The following NFIL3 variants were observed in gnomAD, a reference collection of about 807,000 sequenced individuals.
The protein encoded by NFIL3 is nuclear factor, interleukin 3 regulated.
NFIL3 carries 5 observed loss-of-function variants against 10.0 expected under a neutral mutation model. That is an observed-to-expected ratio of 0.50 (90% CI 0.26 to 1.06). The LOEUF (loss-of-function observed/expected upper bound fraction) is 1.06, where lower values mean the gene tolerates loss of function less well. Ranked by LOEUF, NFIL3 falls within the 50% of genes least tolerant of loss-of-function variation. The probability of loss-of-function intolerance (pLI) is 0.13; values close to 1 mark genes in which losing one functional copy is unlikely to be tolerated. For missense variants in NFIL3, 436 were observed against 547.6 expected (o/e 0.80, Z 2.03); for synonymous variants, 202 against 206.5 (o/e 0.98, Z 0.19).
Position 91,409,356 on chromosome 9 carries a change from T to C in NFIL3, c.1379A>G (p.Asp460Gly). 1.9e-6 allele frequency: 3 copies of C among 1,565,466 alleles called. No homozygotes were observed. Among genetic ancestry groups the C allele is most frequent in the Non-Finnish European group, 2.6e-6 (3 of 1,157,954 alleles). Residue 460 changes from aspartate (D) to glycine (G), a missense_variant, in exon 2 of 2, where the codon GAC (aspartate) becomes GGC (glycine). Coordinates refer to ENST00000297689, the MANE Select transcript of NFIL3 (RefSeq NM_005384.3). ...TTACTCAGTAGTAATTTACCCAGAG[T>C]CTGAAGCAGAGATTGGTTGTGTGGC... ...LIATQPISAS[D>G]SG
At chr9:91,466,864 A>C in the NFIL3 span, among the ~76,000 whole-genome samples, 1 of 152,166 alleles carries the variant, frequency 6.6e-6, no homozygotes, top group Non-Finnish European at 1.5e-5. Context: ...ATTTAGTCAA[A>C]TACTCTCCTA....
At chr9:91,437,974 G>A in the NFIL3 span, among the ~76,000 whole-genome samples, 2,626 of 152,206 alleles carry the variant, frequency 0.017, 56 homozygotes, top group East Asian at 0.075. Flanking sequence ...AAACACGGGC[G>A]TGCACATACC....
chr9:91,483,346 C>T, the NFIL3 span, among the ~76,000 whole-genome samples: 1 of 152,350 alleles, frequency 6.6e-6, no homozygotes, highest in East Asian at 1.9e-4. Flanking sequence ...ATAGTACTCA[C>T]CCTGCTCAAA....
the NFIL3 span, among the ~76,000 whole-genome samples, chr9:91,477,867 T>A: frequency 5.9e-5 from 9 of 152,188 alleles, no homozygotes; most frequent in Non-Finnish European, 1.3e-4. Flanking sequence ...CTGGGACACA[T>A]GTGCTGAATG....
the NFIL3 span, among the ~76,000 whole-genome samples, chr9:91,430,376 G>C: frequency 6.6e-6 from 1 of 152,106 alleles, no homozygotes; most frequent in Non-Finnish European, 1.5e-5. Flanking sequence ...TAGACTTGGC[G>C]CTCATTCACT....
At chr9:91,467,539 T>A in the NFIL3 span, among the ~76,000 whole-genome samples, 379 of 152,298 alleles carry the variant, frequency 2.5e-3, 1 homozygote, top group Middle Eastern at 0.01. Flanking sequence ...GGATTTTTTT[T>A]AATTATTACT....
chr9:91,410,645 A>G lies in NFIL3; in HGVS notation c.90T>C (p.Ser30=). The change falls in exon 2 of 2, where the codon TCT becomes TCC. Residue 30 remains serine, a synonymous_variant. Transcript: ENST00000297689. The surrounding 1 kb of genome is among the most constrained non-coding windows in gnomAD (Gnocchi z 5.7). ...SNVDKMMVLN[S]ALTEVSEDST... is the part of the protein sequence containing the mutation. ...AGTCTTCTGACACTTCCGTTAAAGC[A>G]GAATTAAGGACCATCATCTTGTCCA... 1 of 1,614,228 alleles carries G rather than the reference A, an allele frequency of 6.2e-7. No homozygotes were observed. The highest frequency in any genetic ancestry group is 8.5e-7 in the Non-Finnish European group (1 of 1,180,034).
At chr9:91,468,775 C>A in the NFIL3 span, among the ~76,000 whole-genome samples, 1 of 152,194 alleles carries the variant, frequency 6.6e-6, no homozygotes, top group Non-Finnish European at 1.5e-5. Flanking sequence ...GTTTTCCCAG[C>A]ACCATTTATT....
Position 91,410,673 on chromosome 9 carries a change from T to C in NFIL3, c.62A>G (p.Asn21Ser), listed in dbSNP as rs1833530947. The C allele has an allele frequency of 1.2e-6, 2 of 1,612,328 alleles. No individual in the cohort carries two copies. The highest frequency in any genetic ancestry group is 1.7e-5 in the Admixed American group (1 of 59,558). The change falls in exon 2 of 2, where the codon AAT becomes AGT. Residue 21 changes from asparagine to serine, a missense_variant. By Grantham distance (46) the Asn-to-Ser change is conservative. Transcript: ENST00000297689. This position sits in a 1 kb window ranked among gnomAD's most constrained non-coding sequence, Gnocchi z 5.7. Reference protein sequence around the residue: ...KEQASLDASSNVDKMMVLNSA... With the variant: ...KEQASLDASSSVDKMMVLNSA... The stretch of plus-strand genomic sequence containing the variant: ...ATTAAGGACCATCATCTTGTCCACA[T>C]TGCTACTGGCATCAAGAGACGCCTG...
the NFIL3 span, among the ~76,000 whole-genome samples, chr9:91,430,878 T>C: frequency 6.6e-6 from 1 of 152,196 alleles, no homozygotes; most frequent in Non-Finnish European, 1.5e-5. Context: ...ACTCCTGGCC[T>C]CAAGTGATCC....
At chr9:91,432,827 G>A in the NFIL3 span, among the ~76,000 whole-genome samples, 8 of 152,178 alleles carry the variant, frequency 5.3e-5, no homozygotes, top group African/African-American at 1.9e-4. Context: ...GTAGTCAGAA[G>A]TATAGCTATT....
At chr9:91,428,796 CT>C (rs2118075939), upstream of NFIL3, among the ~76,000 whole-genome samples, 1 of 152,324 alleles carries the variant, frequency 6.6e-6, no homozygotes, top group South Asian at 2.1e-4. Context: ...TGAAACATGT[CT>C]TTAAATTCAG....
the NFIL3 span, among the ~76,000 whole-genome samples, chr9:91,431,488 C>A: frequency 1.3e-5 from 2 of 152,172 alleles, no homozygotes; most frequent in Admixed American, 1.3e-4. Context: ...ATCCTTCTAC[C>A]ATTCCGTGGA....
At chr9:91,452,164 A>G in the NFIL3 span, among the ~76,000 whole-genome samples, 1 of 152,144 alleles carries the variant, frequency 6.6e-6, no homozygotes, top group East Asian at 1.9e-4. Context: ...ATTAACATCA[A>G]CACAGATCTT....
At position 91,409,681 on chromosome 9, in the gene NFIL3, A is replaced by G; in HGVS notation, c.1054T>C (p.Ser352Pro). The change falls in exon 2 of 2, where the codon TCC (serine) becomes CCC (proline). Residue 352 changes from serine to proline, a missense_variant. By Grantham distance (74) the Ser-to-Pro change is moderately conservative (BLOSUM62 -1). This residue lies in a region of NFIL3 where 338 missense variants were observed against 399.9 expected (regional missense o/e 0.85). Coordinates refer to ENST00000297689, the MANE Select transcript of NFIL3 (RefSeq NM_005384.3). The part of the protein sequence containing the change: ...DNEFEATQKL[S>P]SPIDMTSKRH... ...TTAGATGTCATGTCAATAGGTGAGG[A>G]AAGTTTTTGCGTGGCCTCAAATTCA... 1 of 1,614,204 alleles carries G rather than the reference A, an allele frequency of 6.2e-7. No individual in the cohort carries two copies. Among genetic ancestry groups the G allele is most frequent in the Non-Finnish European group, 8.5e-7 (1 of 1,180,022 alleles).
At chr9:91,448,669 T>C in the NFIL3 span, among the ~76,000 whole-genome samples, 1 of 152,158 alleles carries the variant, frequency 6.6e-6, no homozygotes, top group African/African-American at 2.4e-5. Context: ...AACTGGGAAG[T>C]GTGAGTCTTC....
At position 91,410,414 on chromosome 9, in the gene NFIL3, T is replaced by C. The variant is rs746843124; in HGVS notation, c.321A>G (p.Ala107=). Residue 107 remains alanine, a synonymous_variant, in exon 2 of 2, where the codon GCA becomes GCG. Transcript: ENST00000297689. The surrounding 1 kb of genome is among the most constrained non-coding windows in gnomAD (Gnocchi z 5.7). ...TTAAAGTGGCGTTTTCTTCTCCCAG[T>C]GCAATTAGTTTGTTCTCTAAAACCA... The part of the protein sequence containing the change: ...NDLVLENKLI[A]LGEENATLKA... The C allele has an allele frequency of 8.1e-6, 13 of 1,613,802 alleles. No individual in the cohort carries two copies. Among genetic ancestry groups the C allele is most frequent in the Non-Finnish European group, 1.0e-5 (12 of 1,179,946 alleles).
chr9:91,442,585 G>A, the NFIL3 span, among the ~76,000 whole-genome samples: 1 of 152,172 alleles, frequency 6.6e-6, no homozygotes, highest in South Asian at 2.1e-4. Context: ...TGCAGGATCT[G>A]GTCATTGTGC....
the NFIL3 span, among the ~76,000 whole-genome samples, chr9:91,477,689 C>T: frequency 6.6e-6 from 1 of 152,060 alleles, no homozygotes; most frequent in Non-Finnish European, 1.5e-5. Flanking sequence ...CTAAAAACAG[C>T]CAGAGATAAA....
Sources: gnomAD v4.1 joint callset for allele counts (sites outside exome capture counted in the v4.1 genomes callset) on GRCh38, gnomAD v4.1.1 for gene constraint, gnomAD v4.1.1 regional missense constraint, Gnocchi (gnomAD v3.1) non-coding constraint, MANE v1.5 for transcripts, NCBI Gene and HGNC (gene_info 2026-07-23, HGNC 2026-07-21) for gene names.